Variants in SPRED3 observed in about 807,000 individuals in gnomAD.
The protein encoded by SPRED3 is sprouty-related, EVH1 domain-containing protein 3.
Under a neutral mutation model 37.6 loss-of-function variants are expected in SPRED3, and 23 were observed. The observed-to-expected ratio is 0.61, with a 90% confidence interval of 0.44 to 0.87. The LOEUF (loss-of-function observed/expected upper bound fraction) is 0.87, where lower values mean the gene tolerates loss of function less well. SPRED3 is among the 40% of genes least tolerant of loss of function. The pLI is 0.00. For missense variants in SPRED3, 584 were observed against 618.6 expected, an observed-to-expected ratio of 0.94 and a Z score of 0.59; for synonymous variants, 302 against 279.6, an observed-to-expected ratio of 1.08 and a Z score of -0.80.
Position 38,395,397 on chromosome 19 carries a change from A to G in SPRED3, c.568-83A>G, listed in dbSNP as rs191630284. The G allele has an allele frequency of 6.2e-6, 8 of 1,290,358 alleles. No individual in the cohort carries two copies. In the African/African-American group the frequency reaches 9.4e-5, roughly 15 times the overall value. 79.9% of individuals were successfully genotyped at this position (1,290,358 alleles called of 1,614,324 possible). ...CTGGGGTCTTGAAAATCTGAATCCC[A>G]GACCCAAGAGTGCGCTAGGGAACTG... On this transcript the variant is annotated intron_variant, in intron 5 of 5. Coordinates refer to ENST00000691638, the MANE Select transcript of SPRED3 (RefSeq NM_001394336.1). The surrounding 1 kb of genome is among the most constrained non-coding windows in gnomAD (Gnocchi z 5.2).
Position 38,392,070 on chromosome 19 carries a change from A to T in SPRED3, c.302A>T (p.Glu101Val). The T allele has an allele frequency of 6.2e-7, 1 of 1,614,200 alleles. No individual in the cohort carries two copies. Among genetic ancestry groups the T allele is most frequent in the Non-Finnish European group, 8.5e-7 (1 of 1,180,038 alleles). The change falls in exon 3 of 6, where the codon GAG becomes GTG. Residue 101 changes from glutamate to valine, a missense_variant. Physicochemically the swap from Glu to Val is moderately radical, Grantham distance 121 (BLOSUM62 -2). Coordinates refer to ENST00000691638, the MANE Select transcript of SPRED3 (RefSeq NM_001394336.1). ...LTFQSPAEAD[E>V]FQKSLLAALA... ...TTTCAGAGCCCTGCAGAGGCTGATG[A>T]GTTCCAGAAGAGCCTGCTGGCTGCG...
chr19:38,389,272 G>T (rs895408282), intron 1 of SPRED3, among the ~76,000 whole-genome samples: 2 of 152,126 alleles, frequency 1.3e-5, no homozygotes, highest in East Asian at 1.9e-4. Context: ...GGGGCTGGGG[G>T]CGCTGCAGCC....
Position 38,395,080 on chromosome 19 carries a change from C to T in SPRED3, c.567+294C>T, listed in dbSNP as rs1970878699. ...ATTTTCAGAGTGTATATTTGGGGAA[C>T]TCCTGGAAGAGGACTGTTAAATTCA... On this transcript the variant is annotated intron_variant, in intron 5 of 5. Coordinates refer to ENST00000691638, the MANE Select transcript of SPRED3 (RefSeq NM_001394336.1). This position sits in a 1 kb window ranked among gnomAD's most constrained non-coding sequence, Gnocchi z 5.2. Among the ~76,000 whole-genome samples, 1 of 152,112 alleles carries T rather than the reference C, an allele frequency of 6.6e-6. No homozygotes were observed. The highest frequency in any genetic ancestry group is 1.5e-5 in the Non-Finnish European group (1 of 68,022).
Position 38,395,624 on chromosome 19 carries a change from G to C in SPRED3, c.712G>C (p.Val238Leu). The change falls in exon 6 of 6, where the codon GTC (valine) becomes CTC (leucine). Residue 238 changes from valine to leucine, a missense_variant. Val to Leu is a conservative substitution (Grantham distance 32). Around this residue, in one of 7 missense-constraint regions of SPRED3, gnomAD observed 310 missense variants for 281.1 expected, o/e 1.10. Transcript: ENST00000691638. The surrounding 1 kb of genome is among the most constrained non-coding windows in gnomAD (Gnocchi z 5.2). ...PPAPLALSTCVVRFAKTGALR... is the reference protein window; with the variant it reads ...PPAPLALSTCLVRFAKTGALR... The stretch of plus-strand genomic sequence containing the variant: ...CGCGCCCCTCGCCCTGTCCACCTGC[G>C]TCGTGCGCTTCGCCAAGACCGGCGC... The C allele has an allele frequency of 1.3e-6, 2 of 1,545,558 alleles. No homozygotes were observed. Among genetic ancestry groups the C allele is most frequent in the Non-Finnish European group, 1.7e-6 (2 of 1,154,156 alleles).
chr19:38,394,610 T>C, intron 4 of SPRED3, 33 bp from the exon 5 acceptor site: 1 of 1,570,844 alleles, frequency 6.4e-7, no homozygotes, highest in African/African-American at 1.3e-5. Context: ...TGCGGGGGCG[T>C]GTCCCCGCGC....
rs1970811920 is a variant in SPRED3, at chr19:38,390,333, C to T, written c.31C>T (p.Arg11Ter). The T allele has an allele frequency of 1.5e-6, 2 of 1,365,250 alleles. No homozygotes were observed. Among genetic ancestry groups the T allele is most frequent in the Non-Finnish European group, 1.9e-6 (2 of 1,051,738 alleles). 84.6% of individuals were successfully genotyped at this position (1,365,250 alleles called of 1,614,324 possible). The change falls in exon 2 of 6, where the codon CGA becomes TGA. Residue 11 changes from arginine (R) to a stop codon, truncating the protein, a stop_gained. Transcript: ENST00000691638. LOFTEE classifies it high-confidence loss of function. MVRVRAVVMA[R>*]DDSSGGWLPV... ...GCGGGTCCGAGCTGTGGTGATGGCC[C>T]GAGATGACTCCAGTGGGGGCTGGCT... is the stretch of plus-strand genomic sequence containing the variant.
intron 3 of SPRED3, 27 bp downstream of exon 3, chr19:38,392,141 T>G (rs12609878): frequency 0.15 from 243,974 of 1,611,504 alleles, 23,405 homozygotes; most frequent in East Asian, 0.52. Context: ...ATGTGCACTG[T>G]GGGCTGGCCT....
rs756628750 is a variant in SPRED3, at chr19:38,394,755, C to A, written c.536C>A (p.Thr179Lys). Reference sequence around the variant, plus strand: ...TCAGCTTCAGGCTTCGGGCCGACCACGCCCCCCCAGCGCCGCCGCTCCTCC... The same window carrying A: ...TCAGCTTCAGGCTTCGGGCCGACCAAGCCCCCCCAGCGCCGCCGCTCCTCC... ...MESASGFGPT[T>K]PPQRRRSSAQ... Residue 179 changes from threonine to lysine, a missense_variant, in exon 5 of 6, where the codon ACG (threonine) becomes AAG (lysine). Coordinates refer to ENST00000691638, the MANE Select transcript of SPRED3 (RefSeq NM_001394336.1). 3.2e-6 allele frequency: 5 copies of A among 1,578,658 alleles called. No homozygotes were observed. Among genetic ancestry groups the A allele is most frequent in the Non-Finnish European group, 4.3e-6 (5 of 1,165,672 alleles).
At chr19:38,394,302 T>C in intron 4 of SPRED3, 6 of 1,436,242 alleles carry the variant, frequency 4.2e-6, no homozygotes, top group Non-Finnish European at 5.6e-6. Context: ...TTCCTCAGGT[T>C]TGGCGAGCTG....
Position 38,394,841 on chromosome 19 carries a change from C to T in SPRED3, c.567+55C>T, listed in dbSNP as rs1489812575. The stretch of plus-strand genomic sequence containing the variant: ...GGAATGGGGCGGTGCACTCGGGGCC[C>T]GAAGGGAGCGGGAGCCATGGCCCGG... On this transcript the variant is annotated intron_variant, in intron 5 of 5. Transcript: ENST00000691638. 27 of 1,473,204 alleles carry T rather than the reference C, an allele frequency of 1.8e-5. No homozygotes were observed. The East Asian group carries it at 5.9e-4, about 32-fold the overall frequency. The allele number at this position is 1,473,204 out of a possible 1,614,324, so 91.3% of individuals were successfully genotyped here.
At position 38,395,613 on chromosome 19, in the gene SPRED3, T is replaced by C. The variant is rs1970885094; in HGVS notation, c.701T>C (p.Leu234Pro). ...TCCGGGCCACCCGCGCCCCTCGCCC[T>C]GTCCACCTGCGTCGTGCGCTTCGCC... is the stretch of plus-strand genomic sequence containing the variant. ...RRSGPPAPLA[L>P]STCVVRFAKT... Residue 234 changes from leucine (L) to proline (P), a missense_variant, in exon 6 of 6, where the codon CTG becomes CCG. Physicochemically the swap from Leu to Pro is moderately conservative, Grantham distance 98. Transcript: ENST00000691638. The surrounding 1 kb of genome is among the most constrained non-coding windows in gnomAD (Gnocchi z 5.2). The C allele has an allele frequency of 1.3e-6, 2 of 1,551,212 alleles. No homozygotes were observed. The highest frequency in any genetic ancestry group is 2.6e-5 in the East Asian group (1 of 39,164).
rs2145164232 is a variant in SPRED3, at chr19:38,397,332, G to C, written c.*1187G>C. ...GGTGACCCAGACCTCTGATGCCCTT[G>C]GCCCTCAGCCCTTGAGTGACCCTAA... On this transcript the variant is annotated 3_prime_UTR_variant, in exon 6 of 6. Coordinates refer to ENST00000691638, the MANE Select transcript of SPRED3 (RefSeq NM_001394336.1). 1 of 152,258 alleles carries C rather than the reference G, an allele frequency of 6.6e-6. No individual in the cohort carries two copies. Among genetic ancestry groups the C allele is most frequent in the African/African-American group, 2.4e-5 (1 of 41,522 alleles). The allele number at this position is 152,258 out of a possible 1,614,324, so 9.4% of individuals were successfully genotyped here.
At position 38,394,769 on chromosome 19, in the gene SPRED3, C is replaced by A. The variant is rs1481468305; in HGVS notation, c.550C>A (p.Arg184Ser). The A allele has an allele frequency of 6.4e-7, 1 of 1,574,120 alleles. No individual in the cohort carries two copies. The highest frequency in any genetic ancestry group is 8.6e-7 in the Non-Finnish European group (1 of 1,163,570). ...GFGPTTPPQR[R>S]RSSAQSYPPL... The stretch of plus-strand genomic sequence containing the variant: ...CGGGCCGACCACGCCCCCCCAGCGC[C>A]GCCGCTCCTCCGCTCAGGTGCGACC... The change falls in exon 5 of 6, where the codon CGC becomes AGC. Residue 184 changes from arginine (R) to serine (S), a missense_variant. This residue lies in a region of SPRED3 where 310 missense variants were observed against 281.1 expected (regional missense o/e 1.10). Coordinates refer to ENST00000691638, the MANE Select transcript of SPRED3 (RefSeq NM_001394336.1).
rs781182786 is a variant in SPRED3 at position 38,390,335 on chromosome 19, A to G, written c.33A>G (p.Arg11=). 2 of 1,364,668 alleles carry G rather than the reference A, an allele frequency of 1.5e-6. No homozygotes were observed. Among genetic ancestry groups the G allele is most frequent in the East Asian group, 2.8e-5 (1 of 35,722 alleles). 84.5% of individuals were successfully genotyped at this position (1,364,668 alleles called of 1,614,324 possible). The stretch of plus-strand genomic sequence containing the variant: ...GGGTCCGAGCTGTGGTGATGGCCCG[A>G]GATGACTCCAGTGGGGGCTGGCTGC... The part of the protein sequence containing the change: MVRVRAVVMA[R]DDSSGGWLPV... The change falls in exon 2 of 6, where the codon CGA becomes CGG. Residue 11 remains arginine, a synonymous_variant. Transcript: ENST00000691638.
chr19:38,395,775 C>A lies in SPRED3; in HGVS notation c.863C>A (p.Ser288Tyr), dbSNP rs1344577222. Reference protein sequence around the residue: ...PGPSSAPAKASPEAEEAARCV... With the variant: ...PGPSSAPAKAYPEAEEAARCV... Reference sequence around the variant, plus strand: ...CCATCCTCTGCGCCTGCCAAGGCCTCCCCGGAAGCGGAGGAGGCAGCGCGC... The same window carrying A: ...CCATCCTCTGCGCCTGCCAAGGCCTACCCGGAAGCGGAGGAGGCAGCGCGC... Residue 288 changes from serine to tyrosine, a missense_variant, in exon 6 of 6, where the codon TCC becomes TAC. Physicochemically the swap from Ser to Tyr is moderately radical, Grantham distance 144 (BLOSUM62 -2). Around this residue, in one of 7 missense-constraint regions of SPRED3, gnomAD observed 310 missense variants for 281.1 expected, o/e 1.10. Transcript: ENST00000691638. This position sits in a 1 kb window ranked among gnomAD's most constrained non-coding sequence, Gnocchi z 5.2. 23 of 1,461,942 alleles carry A rather than the reference C, an allele frequency of 1.6e-5. No homozygotes were observed. Among genetic ancestry groups the A allele is most frequent in the Non-Finnish European group, 1.9e-5 (21 of 1,115,492 alleles). 90.6% of individuals were successfully genotyped at this position (1,461,942 alleles called of 1,614,324 possible).
Position 38,390,359 on chromosome 19 carries a change from G to C in SPRED3, c.57G>C (p.Leu19=), listed in dbSNP as rs1202134978. The change falls in exon 2 of 6, where the codon CTG becomes CTC. Residue 19 remains leucine, a synonymous_variant. Coordinates refer to ENST00000691638, the MANE Select transcript of SPRED3 (RefSeq NM_001394336.1). ...GAGATGACTCCAGTGGGGGCTGGCTGCCTGTGGGGGGCGGGGGCCTCAGCC... is the reference window on the plus strand; with the variant it reads ...GAGATGACTCCAGTGGGGGCTGGCTCCCTGTGGGGGGCGGGGGCCTCAGCC... ...MARDDSSGGW[L]PVGGGGLSQV... The C allele has an allele frequency of 1.4e-6, 2 of 1,385,162 alleles. No individual in the cohort carries two copies. Among genetic ancestry groups the C allele is most frequent in the Admixed American group, 3.0e-5 (1 of 33,008 alleles). 85.8% of individuals were successfully genotyped at this position (1,385,162 alleles called of 1,614,324 possible). A position where few individuals can be genotyped will look rare whatever the true frequency, so the allele number is the denominator to read the frequency against.
In SPRED3 at chr19:38,396,238, G is replaced by T. The variant is rs1416395100; in HGVS notation, c.*93G>T. On this transcript the variant is annotated 3_prime_UTR_variant, in exon 6 of 6. Transcript: ENST00000691638. ...GTTCGGACCTAAAACCCAAACCTAG[G>T]CACATCCGGAACTTGGAGCTTGAGT... The T allele has an allele frequency of 2.1e-6, 2 of 933,794 alleles. No individual in the cohort carries two copies. The highest frequency in any genetic ancestry group is 2.8e-6 in the Non-Finnish European group (2 of 725,106). 57.8% of individuals were successfully genotyped at this position (933,794 alleles called of 1,614,324 possible).
At position 38,390,302 on chromosome 19, in the gene SPRED3, C is replaced by T. The variant is rs765785152; in HGVS notation, c.-1C>T. The T allele has an allele frequency of 7.5e-7, 1 of 1,340,624 alleles. No homozygotes were observed. Among genetic ancestry groups the T allele is most frequent in the Non-Finnish European group, 9.6e-7 (1 of 1,036,982 alleles). 83.0% of individuals were successfully genotyped at this position (1,340,624 alleles called of 1,614,324 possible). On this transcript the variant is annotated 5_prime_UTR_variant, in exon 2 of 6. Transcript: ENST00000691638. ...TCCTTCCCCCCACCTCCTGCAGGTACATGGTGCGGGTCCGAGCTGTGGTGA... is the reference window on the plus strand; with the variant it reads ...TCCTTCCCCCCACCTCCTGCAGGTATATGGTGCGGGTCCGAGCTGTGGTGA...
chr19:38,395,359 G>A lies in SPRED3; in HGVS notation c.568-121G>A. 1 of 982,430 alleles carries A rather than the reference G, an allele frequency of 1.0e-6. No individual in the cohort carries two copies. The highest frequency in any genetic ancestry group is 1.4e-6 in the Non-Finnish European group (1 of 714,388). The allele number at this position is 982,430 out of a possible 1,614,324, so 60.9% of individuals were successfully genotyped here. ...GAAAAGTGGGGATTGAGGGACCTTG[G>A]GAGAGAAGCAAGCTGGGGTCTTGAA... is the stretch of plus-strand genomic sequence containing the variant. On this transcript the variant is annotated intron_variant, in intron 5 of 5. Transcript: ENST00000691638. This position sits in a 1 kb window ranked among gnomAD's most constrained non-coding sequence, Gnocchi z 5.2.
Sources: allele counts gnomAD v4.1 joint callset (sites outside exome capture counted in the v4.1 genomes callset), GRCh38; gene constraint gnomAD v4.1.1; regional missense constraint gnomAD v4.1.1; non-coding constraint Gnocchi (gnomAD v3.1); transcripts MANE v1.5; gene names NCBI Gene and HGNC (gene_info 2026-07-23, HGNC 2026-07-21).